The following POU2AF1 variants were observed in gnomAD, a reference collection of about 807,000 sequenced individuals.
The protein encoded by POU2AF1 is POU domain class 2-associating factor 1.
POU2AF1 carries 12 observed loss-of-function variants against 26.3 expected under a neutral mutation model. That is an observed-to-expected ratio of 0.46 (90% CI 0.29 to 0.74). The LOEUF is 0.74. Ranked by LOEUF, POU2AF1 falls within the 30% of genes least tolerant of loss-of-function variation. The pLI is 0.09. For missense variants in POU2AF1, 297 were observed against 334.5 expected (o/e 0.89, Z 0.87); for synonymous variants, 175 against 148.0 (o/e 1.18, Z -1.32).
chr11:111,361,587 T>C (rs1861009608), intron 1 of POU2AF1, among the ~76,000 whole-genome samples: 6 of 152,234 alleles, frequency 3.9e-5, no homozygotes, highest in Admixed American at 3.9e-4. Flanking sequence ...GTTTTAATTA[T>C]CTTCCTTCTG....
At chr11:111,360,715 G>C (rs1420888059) in intron 1 of POU2AF1, among the ~76,000 whole-genome samples, 1 of 152,168 alleles carries the variant, frequency 6.6e-6, no homozygotes, top group Non-Finnish European at 1.5e-5. Flanking sequence ...GGAGGCTGAG[G>C]TGAGTGGATC....
intron 1 of POU2AF1, 136 bp downstream of exon 1, chr11:111,379,026 G>T: frequency 2.6e-6 from 1 of 377,880 alleles, no homozygotes; most frequent in Admixed American, 2.8e-5. Context: ...TCCCTGCTCC[G>T]GGGCTTGGAA....
At position 111,354,409 on chromosome 11, in the gene POU2AF1, A is replaced by T. The variant is rs752337570; in HGVS notation, c.623T>A (p.Leu208His). The change falls in exon 5 of 5, where the codon CTC (leucine) becomes CAC (histidine). Residue 208 changes from leucine to histidine, a missense_variant. Physicochemically the swap from Leu to His is moderately conservative, Grantham distance 99. Transcript: ENST00000393067. Reference protein sequence around the residue: ...PALPGPQFVQLPISIPEPVLQ... With the variant: ...PALPGPQFVQHPISIPEPVLQ... The stretch of plus-strand genomic sequence containing the variant: ...GACTGGCTCTGGGATAGAGATGGGG[A>T]GCTGGACAAACTGGGGCCCAGGTAG... 6.2e-7 allele frequency: 1 copy of T among 1,614,000 alleles called. No homozygotes were observed. Among genetic ancestry groups the T allele is most frequent in the Non-Finnish European group, 8.5e-7 (1 of 1,180,000 alleles).
chr11:111,359,814 G>A (rs543196150), intron 1 of POU2AF1, among the ~76,000 whole-genome samples: 5 of 152,306 alleles, frequency 3.3e-5, no homozygotes, highest in Non-Finnish European at 5.9e-5. Context: ...ATGCCCATGC[G>A]TTTTAAGCTC....
At chr11:111,377,464 G>GGA (rs1861330887) in intron 1 of POU2AF1, among the ~76,000 whole-genome samples, 1 of 152,132 alleles carries the variant, frequency 6.6e-6, no homozygotes, top group Admixed American at 6.5e-5. Flanking sequence ...AACCAAGAGG[G>GGA]GAGAATATGG....
At chr11:111,359,804 A>G (rs4938496) in intron 1 of POU2AF1, among the ~76,000 whole-genome samples, 40,211 of 152,188 alleles carry the variant, frequency 0.26, 6,025 homozygotes, top group South Asian at 0.51. Context: ...TCCCAGTGGC[A>G]TGCCCATGCG....
Position 111,352,619 on chromosome 11 carries a change from G to T in POU2AF1, c.*1642C>A, listed in dbSNP as rs905095117. ...TTCCACAGAATGGTGGCTTATGGAC[G>T]CTTTTAAGACACTAAAGAAACCCAC... On this transcript the variant is annotated 3_prime_UTR_variant, in exon 5 of 5. Transcript: ENST00000393067. The T allele has an allele frequency of 5.6e-6, 1 of 178,852 alleles. No individual in the cohort carries two copies. Among genetic ancestry groups the T allele is most frequent in the Non-Finnish European group, 1.2e-5 (1 of 83,346 alleles). 11.1% of individuals were successfully genotyped at this position (178,852 alleles called of 1,614,324 possible).
At chr11:111,372,059 C>CAGAGAGAGAG (rs1257581791) in intron 1 of POU2AF1, among the ~76,000 whole-genome samples, 21 of 143,882 alleles carry the variant, frequency 1.5e-4, no homozygotes, top group African/African-American at 5.4e-4. Context: ...CACACACACA[C>CAGAGAGAGAG]ACACACACAC....
chr11:111,354,335 C>G lies in POU2AF1; in HGVS notation c.697G>C (p.Asp233His). The change falls in exon 5 of 5, where the codon GAC becomes CAC. Residue 233 changes from aspartate to histidine, a missense_variant. Physicochemically the swap from Asp to His is moderately conservative, Grantham distance 81. Transcript: ENST00000393067. The part of the protein sequence containing the change: ...PRRAASSLTI[D>H]KLLLEEEDSD... ...TCCTCTTCCTCCAAAAGCAGCTTGT[C>G]GATGGTCAACGAGCTGGCGGCTCTT... The G allele has an allele frequency of 1.9e-6, 3 of 1,614,186 alleles. No individual in the cohort carries two copies. Among genetic ancestry groups the G allele is most frequent in the Non-Finnish European group, 2.5e-6 (3 of 1,180,028 alleles).
chr11:111,358,113 C>CA, intron 2 of POU2AF1, among the ~76,000 whole-genome samples: 1 of 152,236 alleles, frequency 6.6e-6, no homozygotes, highest in Middle Eastern at 3.4e-3. Flanking sequence ...GTCATTCGCT[C>CA]ACTCAGGCCT....
chr11:111,378,250 A>G (rs1243564818), intron 1 of POU2AF1, among the ~76,000 whole-genome samples: 2 of 152,208 alleles, frequency 1.3e-5, no homozygotes, highest in African/African-American at 2.4e-5. Flanking sequence ...GAGGCACAGC[A>G]TACTAAAATT....
At chr11:111,361,109 T>C (rs1435991782) in intron 1 of POU2AF1, among the ~76,000 whole-genome samples, 1 of 152,104 alleles carries the variant, frequency 6.6e-6, no homozygotes, top group Non-Finnish European at 1.5e-5. Context: ...TCTCTACTGG[T>C]ATTCATTCAT....
intron 1 of POU2AF1, among the ~76,000 whole-genome samples, chr11:111,372,858 C>T (rs1861239085): frequency 6.6e-6 from 1 of 152,192 alleles, no homozygotes; most frequent in African/African-American, 2.4e-5. Context: ...GGAGAAGGGG[C>T]AGCGATCAGG....
chr11:111,356,767 T>A (rs947040160), intron 4 of POU2AF1, among the ~76,000 whole-genome samples: 1 of 152,210 alleles, frequency 6.6e-6, no homozygotes, highest in Non-Finnish European at 1.5e-5. Flanking sequence ...CCAGACACTG[T>A]GCTAAGCCCT....
intron 1 of POU2AF1, among the ~76,000 whole-genome samples, chr11:111,368,399 G>A (rs973457261): frequency 4.6e-5 from 7 of 152,166 alleles, no homozygotes; most frequent in African/African-American, 1.4e-4. Context: ...TCCTAAGGGT[G>A]TGTCACTAGC....
intron 1 of POU2AF1, among the ~76,000 whole-genome samples, chr11:111,362,159 G>A (rs1455104472): frequency 6.6e-6 from 1 of 152,142 alleles, no homozygotes; most frequent in Non-Finnish European, 1.5e-5. Flanking sequence ...GGCCACGTCA[G>A]CATTTTTGGT....
rs182099563 is a variant in POU2AF1 at position 111,354,592 on chromosome 11, C to A, written c.457-17G>T. 1.3e-6 allele frequency: 2 copies of A among 1,503,340 alleles called. No individual in the cohort carries two copies. Among genetic ancestry groups the A allele is most frequent in the East Asian group, 2.3e-5 (1 of 43,008 alleles). The allele number at this position is 1,503,340 out of a possible 1,614,324, so 93.1% of individuals were successfully genotyped here. On this transcript the variant is annotated splice_polypyrimidine_tract_variant and intron_variant, in intron 4 of 4. Coordinates refer to ENST00000393067, the MANE Select transcript of POU2AF1 (RefSeq NM_006235.3). Reference sequence around the variant, plus strand: ...GCTTCTTGTCTGTGACAGGAAAACACGTGACAGAGGGTTAGCAGCCCCAGG... The same window carrying A: ...GCTTCTTGTCTGTGACAGGAAAACAAGTGACAGAGGGTTAGCAGCCCCAGG...
At position 111,354,398 on chromosome 11, in the gene POU2AF1, T is replaced by C. The variant is rs776805154; in HGVS notation, c.634A>G (p.Ile212Val). 1.2e-6 allele frequency: 2 copies of C among 1,614,038 alleles called. No homozygotes were observed. The highest frequency in any genetic ancestry group is 2.2e-5 in the South Asian group (2 of 91,074). ...ATGTCCTGAAGGACTGGCTCTGGGA[T>C]AGAGATGGGGAGCTGGACAAACTGG... ...GPQFVQLPISIPEPVLQDMED... is the reference protein window; with the variant it reads ...GPQFVQLPISVPEPVLQDMED... The change falls in exon 5 of 5, where the codon ATC becomes GTC. Residue 212 changes from isoleucine (I) to valine (V), a missense_variant. Coordinates refer to ENST00000393067, the MANE Select transcript of POU2AF1 (RefSeq NM_006235.3).
At position 111,354,676 on chromosome 11, in the gene POU2AF1, C is replaced by A. The variant is rs1860808954; in HGVS notation, c.457-101G>T. ...TCTCCATCTCCCCCTTCAATTCTGC[C>A]CTTTCCTGGTTTCTCACTTCATGGG... On this transcript the variant is annotated intron_variant, in intron 4 of 4. Coordinates refer to ENST00000393067, the MANE Select transcript of POU2AF1 (RefSeq NM_006235.3). 37 of 1,080,304 alleles carry A rather than the reference C, an allele frequency of 3.4e-5. No homozygotes were observed. In the South Asian group the frequency reaches 7.1e-4, roughly 21 times the overall value. The allele number at this position is 1,080,304 out of a possible 1,614,324, so 66.9% of individuals were successfully genotyped here.
Sources: allele counts gnomAD v4.1 joint callset (sites outside exome capture counted in the v4.1 genomes callset), GRCh38; gene constraint gnomAD v4.1.1; transcripts MANE v1.5; gene names NCBI Gene and HGNC (gene_info 2026-07-23, HGNC 2026-07-21).